ASTN2: variants seen among roughly 807,000 people sequenced by gnomAD.
ASTN2 encodes the protein astrotactin 2, also known as astrotactin-2.
ASTN2 carries 54 observed loss-of-function variants against 139.8 expected under a neutral mutation model. The ratio of observed to expected loss-of-function variants is 0.39; its 90% CI spans 0.31 to 0.48. The LOEUF is 0.48. ASTN2 is among the 20% of genes least tolerant of loss of function. ASTN2 has a pLI of 0.95. For synonymous variants in ASTN2, 756 were observed against 719.5 expected (o/e 1.05, Z -0.81); for missense variants, 1,565 against 1,725.1 (o/e 0.91, Z 1.64).
chr9:117,065,230 A>T (rs1827901491), intron 5 of ASTN2, among the ~76,000 whole-genome samples: 1 of 152,114 alleles, frequency 6.6e-6, no homozygotes, highest in Non-Finnish European at 1.5e-5. Flanking sequence ...GAATACCTTG[A>T]TTTTGGAATT....
At chr9:116,674,715 T>C (rs80026651) in intron 16 of ASTN2, among the ~76,000 whole-genome samples, 1,539 of 152,284 alleles carry the variant, frequency 0.01, 22 homozygotes, top group African/African-American at 0.035. Context: ...CCAACCACCC[T>C]GACCAATCCC....
intron 3 of ASTN2, among the ~76,000 whole-genome samples, chr9:117,192,995 G>A (rs529377970): frequency 3.2e-4 from 49 of 152,204 alleles, no homozygotes; most frequent in Non-Finnish European, 6.2e-4. Context: ...TGACCTTTTA[G>A]GGAAAGACTA....
At chr9:117,018,106 C>T (rs12552700) in intron 6 of ASTN2, among the ~76,000 whole-genome samples, 29,882 of 151,994 alleles carry the variant, frequency 0.2, 3,118 homozygotes, top group South Asian at 0.34. Context: ...TACTTGAAGA[C>T]ATGTTGCGAG....
At chr9:116,908,809 T>C (rs1163785119) in intron 10 of ASTN2, among the ~76,000 whole-genome samples, 1 of 152,242 alleles carries the variant, frequency 6.6e-6, no homozygotes, top group Admixed American at 6.5e-5. Flanking sequence ...GTGTATAATA[T>C]GTACATTATA....
At chr9:117,222,744 T>C (rs529588751) in intron 2 of ASTN2, among the ~76,000 whole-genome samples, 4 of 152,294 alleles carry the variant, frequency 2.6e-5, no homozygotes, top group African/African-American at 9.6e-5. Flanking sequence ...AGGAATTTCT[T>C]TATCCTCTGC....
At chr9:116,484,642 G>A (rs778912226) in intron 20 of ASTN2, among the ~76,000 whole-genome samples, 10 of 152,128 alleles carry the variant, frequency 6.6e-5, no homozygotes, top group Non-Finnish European at 1.3e-4. Flanking sequence ...TGGTCAGAGC[G>A]GCCCGGATCC....
intron 3 of ASTN2, among the ~76,000 whole-genome samples, chr9:117,192,424 C>T (rs1831374968): frequency 6.6e-6 from 1 of 151,160 alleles, no homozygotes; most frequent in Non-Finnish European, 1.5e-5. Context: ...GAATACTTTC[C>T]AGGCTGGCTA....
intron 20 of ASTN2, among the ~76,000 whole-genome samples, chr9:116,458,342 T>A (rs980396278): frequency 1.3e-5 from 2 of 151,870 alleles, no homozygotes; most frequent in Non-Finnish European, 2.9e-5. Flanking sequence ...TTACTGTATA[T>A]TTAAAATAAC....
chr9:116,553,519 A>G (rs773107883), intron 19 of ASTN2, among the ~76,000 whole-genome samples: 4 of 152,244 alleles, frequency 2.6e-5, no homozygotes, highest in Non-Finnish European at 4.4e-5. Context: ...AATGGAACAG[A>G]AAACAAATGT....
At chr9:117,392,129 G>A (rs1403127966) in intron 1 of ASTN2, among the ~76,000 whole-genome samples, 1 of 152,212 alleles carries the variant, frequency 6.6e-6, no homozygotes, top group Non-Finnish European at 1.5e-5. Context: ...TGTGAGAATG[G>A]ATTGGGAAGG....
At chr9:116,862,035 G>T (rs58484734) in intron 11 of ASTN2, among the ~76,000 whole-genome samples, 1 of 144,588 alleles carries the variant, frequency 6.9e-6, no homozygotes, top group African/African-American at 2.6e-5. Flanking sequence ...GTAATCCTGA[G>T]AATTCTAATC....
chr9:117,038,557 T>C (rs1390212295), intron 6 of ASTN2, among the ~76,000 whole-genome samples: 3 of 152,188 alleles, frequency 2.0e-5, no homozygotes, highest in Admixed American at 2.0e-4. Context: ...TGGTGATGAT[T>C]TCATGGGTAT....
rs1042891878 is a variant in ASTN2 at position 116,999,841 on chromosome 9, C to T, written c.1591+8251G>A. Among the ~76,000 whole-genome samples, 16 of 152,046 alleles carry T rather than the reference C, an allele frequency of 1.1e-4. No individual in the cohort carries two copies. The East Asian group carries it at 1.4e-3, about 13-fold the overall frequency. On this transcript the variant is annotated intron_variant, in intron 7 of 22. Transcript: ENST00000313400. ...TCCCAAAGTTCTGGGATTACAGGAA[C>T]GAGCCACCATGCCTGGCCAGTAATT...
intron 19 of ASTN2, among the ~76,000 whole-genome samples, chr9:116,527,769 G>A (rs1317256299): frequency 6.6e-6 from 1 of 152,084 alleles, no homozygotes; most frequent in Non-Finnish European, 1.5e-5. Context: ...CCCCCATGCT[G>A]TTCTCATGAT....
intron 5 of ASTN2, among the ~76,000 whole-genome samples, chr9:117,046,902 C>G (rs1421505169): frequency 2.0e-5 from 3 of 152,146 alleles, no homozygotes; most frequent in Non-Finnish European, 2.9e-5. Flanking sequence ...TGGAATGCTG[C>G]TATTGGTATT....
At chr9:117,204,384 T>C (rs1030651722) in intron 3 of ASTN2, among the ~76,000 whole-genome samples, 4 of 152,222 alleles carry the variant, frequency 2.6e-5, no homozygotes, top group African/African-American at 9.6e-5. Context: ...ATTGATCAAC[T>C]GATGGATCAA....
In ASTN2 at chr9:116,974,399, G is replaced by T. The variant is rs1836289135; in HGVS notation, c.1889+809C>A. ...TGATATGTAAGCATCTAATTAGTAT[G>T]AAGTAGAGTAAGTCTATAATGAAGT... is the stretch of plus-strand genomic sequence containing the variant. On this transcript the variant is annotated intron_variant, in intron 10 of 22. Coordinates refer to ENST00000313400, the MANE Select transcript of ASTN2 (RefSeq NM_001365068.1). 2.6e-5 allele frequency among the ~76,000 whole-genome samples: 4 copies of T among 152,006 alleles called. No individual in the cohort carries two copies. In the South Asian group the frequency reaches 8.3e-4, roughly 32 times the overall value.
At chr9:116,988,504 T>C (rs184488728) in intron 7 of ASTN2, among the ~76,000 whole-genome samples, 6 of 152,276 alleles carry the variant, frequency 3.9e-5, no homozygotes, top group Admixed American at 3.9e-4. Context: ...TGATCCACCT[T>C]TTTGCCTTCA....
intron 19 of ASTN2, among the ~76,000 whole-genome samples, chr9:116,594,958 C>T (rs1230825483): frequency 6.6e-6 from 1 of 152,182 alleles, no homozygotes. Context: ...TACATACATA[C>T]ATACACACAT....
Sources: allele counts gnomAD v4.1 joint callset (sites outside exome capture counted in the v4.1 genomes callset), GRCh38; gene constraint gnomAD v4.1.1; transcripts MANE v1.5; gene names NCBI Gene and HGNC (gene_info 2026-07-23, HGNC 2026-07-21).